Variants in MME observed in about 807,000 individuals in gnomAD.
MME encodes the protein membrane metalloendopeptidase, also known as neprilysin.
A neutral mutation model predicts 113.2 loss-of-function variants in MME; 98 were observed. The observed-to-expected ratio is 0.87, with a 90% CI of 0.74 to 1.02. The LOEUF (loss-of-function observed/expected upper bound fraction) is 1.02. MME is among the 50% of genes least tolerant of loss of function. The pLI is 0.00. For synonymous variants in MME, 292 were observed against 300.6 expected (o/e 0.97, Z 0.30); for missense variants, 836 against 896.0 (o/e 0.93, Z 0.86).
chr3:155,084,179 A>G lies in MME; in HGVS notation c.12A>G (p.Ser4=), dbSNP rs772274287. The stretch of plus-strand genomic sequence containing the variant: ...GCAGATTTTAGGTGATGGGCAAGTC[A>G]GAAAGTCAGATGGATATAACTGATA... The part of the protein sequence containing the change: MGK[S]ESQMDITDIN... The change falls in exon 2 of 23, where the codon TCA becomes TCG. Residue 4 remains serine, a synonymous_variant. Coordinates refer to ENST00000360490, the MANE Select transcript of MME (RefSeq NM_007289.4). The G allele has an allele frequency of 5.0e-6, 8 of 1,614,120 alleles. No homozygotes were observed. In the South Asian group the frequency reaches 7.7e-5, roughly 16 times the overall value.
chr3:155,037,880 A>G (rs1713176456), intron 1 of MME, among the ~76,000 whole-genome samples: 1 of 152,144 alleles, frequency 6.6e-6, no homozygotes, highest in African/African-American at 2.4e-5. Flanking sequence ...TCAAGAGTGA[A>G]TAAAAAGAGA....
At chr3:155,080,740 T>C (rs1401687731) in intron 1 of MME, among the ~76,000 whole-genome samples, 1 of 152,210 alleles carries the variant, frequency 6.6e-6, no homozygotes. Flanking sequence ...AATATCCCTC[T>C]TTAGCTTCTC....
At chr3:155,143,339 G>T in intron 12 of MME, 104 bp from the exon 13 acceptor site, 2 of 1,327,270 alleles carry the variant, frequency 1.5e-6, no homozygotes, top group Non-Finnish European at 2.2e-6. Flanking sequence ...GAGAAGTGAT[G>T]AATATTTCAA....
intron 8 of MME, among the ~76,000 whole-genome samples, chr3:155,130,476 A>G (rs1413382591): frequency 6.6e-6 from 1 of 152,178 alleles, no homozygotes; most frequent in Non-Finnish European, 1.5e-5. Context: ...AAGAAGCCAG[A>G]GTTATAAAGA....
intron 3 of MME, among the ~76,000 whole-genome samples, chr3:155,108,977 A>G (rs61763233): frequency 0.04 from 6,110 of 152,176 alleles, 226 homozygotes; most frequent in African/African-American, 0.1. Flanking sequence ...GGAGACATGT[A>G]GTGGGGGTCC....
intron 1 of MME, among the ~76,000 whole-genome samples, chr3:155,057,807 G>T (rs1285146691): frequency 6.6e-6 from 1 of 151,294 alleles, no homozygotes; most frequent in Non-Finnish European, 1.5e-5. Context: ...TCCCCATACT[G>T]CTTACAGGAT....
At chr3:155,037,195 T>A (rs1713156890) in intron 1 of MME, among the ~76,000 whole-genome samples, 2 of 152,198 alleles carry the variant, frequency 1.3e-5, no homozygotes, top group Non-Finnish European at 2.9e-5. Context: ...AATACCTGGG[T>A]TTCCTTACCA....
At chr3:155,133,865 C>T (rs543442983) in intron 8 of MME, among the ~76,000 whole-genome samples, 3 of 148,094 alleles carry the variant, frequency 2.0e-5, no homozygotes, top group Admixed American at 6.7e-5. Flanking sequence ...TTGGAAAATT[C>T]GAACTACCAT....
chr3:155,088,696 A>AG (rs1302798730), intron 3 of MME, among the ~76,000 whole-genome samples: 2 of 151,780 alleles, frequency 1.3e-5, no homozygotes, highest in East Asian at 1.9e-4. Context: ...AAAAAAAAAA[A>AG]AAAGAAAAGA....
chr3:155,098,629 A>C (rs1716948657), intron 3 of MME, among the ~76,000 whole-genome samples: 1 of 151,988 alleles, frequency 6.6e-6, no homozygotes. Context: ...GGAATAAAGA[A>C]ATGAAACAAA....
At chr3:155,125,881 T>G (rs1359017880) in intron 8 of MME, among the ~76,000 whole-genome samples, 1 of 152,196 alleles carries the variant, frequency 6.6e-6, no homozygotes, top group Admixed American at 6.5e-5. Flanking sequence ...ATTTTGTAGC[T>G]CAAAAGTAAG....
At chr3:155,121,550 G>T (rs1430605302) in intron 8 of MME, among the ~76,000 whole-genome samples, 2 of 125,028 alleles carry the variant, frequency 1.6e-5, no homozygotes, top group Non-Finnish European at 3.4e-5. Flanking sequence ...ATTGGCTGTG[G>T]GTTTGTCATA....
rs200164975 is a variant in MME, at chr3:155,116,738, G to C, written c.514G>C (p.Glu172Gln). 48 of 1,613,434 alleles carry C rather than the reference G, an allele frequency of 3.0e-5. No homozygotes were observed. Among genetic ancestry groups the C allele is most frequent in the Non-Finnish European group, 3.9e-5 (46 of 1,179,752 alleles). The change falls in exon 6 of 23, where the codon GAA becomes CAA. Residue 172 changes from glutamate to glutamine, a missense_variant. Glu to Gln is a conservative substitution (Grantham distance 29, BLOSUM62 2). Coordinates refer to ENST00000360490, the MANE Select transcript of MME (RefSeq NM_007289.4). ...PDIYGWPVAT[E>Q]NWEQKYGASW... is the part of the protein sequence containing the mutation. Reference sequence around the variant, plus strand: ...CATATATGGGTGGCCAGTAGCAACAGAAAACTGGGAGCAAAAATATGGTAA... The same window carrying C: ...CATATATGGGTGGCCAGTAGCAACACAAAACTGGGAGCAAAAATATGGTAA...
chr3:155,152,707 G>A (rs1175069313), intron 16 of MME, among the ~76,000 whole-genome samples: 6 of 152,186 alleles, frequency 3.9e-5, no homozygotes, highest in African/African-American at 1.4e-4. Flanking sequence ...CAGGCATGGT[G>A]CCATGCAGCT....
chr3:155,125,429 A>T (rs1719558155), intron 8 of MME, among the ~76,000 whole-genome samples: 2 of 140,380 alleles, frequency 1.4e-5, no homozygotes, highest in South Asian at 2.4e-4. Flanking sequence ...TATTCGGCCA[A>T]CTTGGCTCCT....
At chr3:155,091,117 G>A (rs1237575224) in intron 3 of MME, among the ~76,000 whole-genome samples, 1 of 152,192 alleles carries the variant, frequency 6.6e-6, no homozygotes, top group East Asian at 1.9e-4. Context: ...GAATAAGAAA[G>A]CAGCAGACAT....
At chr3:155,061,235 G>T (rs978557433) in intron 1 of MME, among the ~76,000 whole-genome samples, 2 of 152,090 alleles carry the variant, frequency 1.3e-5, no homozygotes, top group East Asian at 3.9e-4. Flanking sequence ...GGCAGATCAC[G>T]AGGTCTGGAG....
At chr3:155,049,653 ATCTATCTATC>A (rs1250797696) in intron 1 of MME, among the ~76,000 whole-genome samples, 60 of 151,908 alleles carry the variant, frequency 3.9e-4, no homozygotes, top group African/African-American at 1.4e-3. Flanking sequence ...CTATCTATCT[ATCTATCTATC>A]TATCTATCTA....
intron 3 of MME, among the ~76,000 whole-genome samples, chr3:155,099,421 G>A (rs1224675108): frequency 6.6e-6 from 1 of 152,104 alleles, no homozygotes; most frequent in Non-Finnish European, 1.5e-5. Flanking sequence ...TCAATCCAGA[G>A]GAGTCCAACT....
Sources: gnomAD v4.1 joint callset for allele counts (sites outside exome capture counted in the v4.1 genomes callset) on GRCh38, gnomAD v4.1.1 for gene constraint, MANE v1.5 for transcripts, NCBI Gene and HGNC (gene_info 2026-07-23, HGNC 2026-07-21) for gene names.